Variants in GPC3 observed in about 807,000 individuals in gnomAD.
GPC3 encodes glypican-3.
A neutral mutation model predicts 34.4 loss-of-function variants in GPC3; 3 were observed. The observed-to-expected ratio is 0.09, with a 90% CI of 0.04 to 0.23. The LOEUF (loss-of-function observed/expected upper bound fraction) is 0.23. GPC3 is among the 10% of genes least tolerant of loss of function. GPC3 has a pLI of 1.00. For missense variants in GPC3, 351 were observed against 445.6 expected (o/e 0.79, Z 1.91); for synonymous variants, 177 against 174.0 (o/e 1.02, Z -0.13).
At chrX:133,684,882 CTT>C (rs370742490) in intron 5 of GPC3, among the ~76,000 whole-genome samples, 3 of 100,666 alleles carry the variant, frequency 3.0e-5, no homozygotes, top group African/African-American at 3.6e-5. Context: ...GCATATAGGT[CTT>C]TTTTTTTTTT....
intron 1 of GPC3, among the ~76,000 whole-genome samples, chrX:133,974,393 A>G (rs1170939316): frequency 8.9e-6 from 1 of 112,536 alleles, no homozygotes; most frequent in Non-Finnish European, 1.9e-5. Flanking sequence ...ATTACTATCA[A>G]GAATAATAGA....
chrX:133,649,161 G>A (rs1004093377), intron 6 of GPC3, among the ~76,000 whole-genome samples: 2 of 110,966 alleles, frequency 1.8e-5, no homozygotes, highest in Admixed American at 9.6e-5. Flanking sequence ...GTGTGTAGGT[G>A]GGGGGGATTC....
rs1046576082 is a variant in GPC3 at position 133,659,389 on chromosome X, C to T, written c.1413+2341G>A. ...CTTTCCCATTTTCTAGGGTGGGGTC[C>T]GCCCACAGGTCTTCACTCGATCTTT... On this transcript the variant is annotated intron_variant, in intron 6 of 7. Coordinates refer to ENST00000370818, the MANE Select transcript of GPC3 (RefSeq NM_004484.4). Among the ~76,000 whole-genome samples the T allele has an allele frequency of 9.0e-5, 10 of 111,649 alleles. No homozygotes were observed. The East Asian group carries it at 1.7e-3, about 19-fold the overall frequency.
At chrX:133,593,330 C>CAAAAAAAAAAAAAAAAAAAAAA (rs756083308) in intron 7 of GPC3, among the ~76,000 whole-genome samples, 1 of 9,892 alleles carries the variant, frequency 1.0e-4, no homozygotes, top group Non-Finnish European at 2.0e-4. Context: ...GAGACTGTCT[C>CAAAAAAAAAAAAAAAAAAAAAA]AAAAAAAAAA....
intron 6 of GPC3, among the ~76,000 whole-genome samples, chrX:133,617,570 A>G (rs2070180587): frequency 8.9e-6 from 1 of 112,261 alleles, no homozygotes; most frequent in Admixed American, 9.4e-5. Flanking sequence ...TAAATGCTCA[A>G]AAGAGTTTGA....
At chrX:133,909,435 A>G (rs757354136) in intron 2 of GPC3, among the ~76,000 whole-genome samples, 5 of 112,234 alleles carry the variant, frequency 4.5e-5, no homozygotes, top group Non-Finnish European at 9.4e-5. Flanking sequence ...GCTGTTTATC[A>G]TTTACCTGTC....
chrX:133,953,284 C>A (rs2076401455), intron 1 of GPC3, 73 bp from the exon 2 acceptor site: 23 of 810,167 alleles, frequency 2.8e-5, no homozygotes, highest in Non-Finnish European at 4.3e-5. Flanking sequence ...ACACCACCCC[C>A]ACCCCCTACA....
intron 6 of GPC3, among the ~76,000 whole-genome samples, chrX:133,643,831 G>GTTTTTTTTTTTTTTTTTTTT (rs778326133): frequency 6.2e-5 from 6 of 96,990 alleles, no homozygotes; most frequent in African/African-American, 2.4e-4. Context: ...TTGTTTTTAT[G>GTTTTTTTTTTTTTTTTTTTT]TTTTTTTTTT....
At chrX:133,953,249 ATC>A (rs775371060) in intron 1 of GPC3, 38 bp from the exon 2 acceptor site, 35 of 1,152,249 alleles carry the variant, frequency 3.0e-5, no homozygotes, top group Non-Finnish European at 3.7e-5. Context: ...AGTAAGCAGG[ATC>A]TCTCTCTCAC....
At chrX:133,557,330 A>T (rs1000146596) in intron 7 of GPC3, among the ~76,000 whole-genome samples, 103 of 111,398 alleles carry the variant, frequency 9.2e-4, no homozygotes, top group African/African-American at 2.4e-3. Context: ...AATAAATAAA[A>T]AATATTTATT....
In GPC3 at chrX:133,623,355, G is replaced by A. The variant is rs757337040; in HGVS notation, c.1414-26756C>T. On this transcript the variant is annotated intron_variant, in intron 6 of 7. Transcript: ENST00000370818. ...GAGCTAAATGCTCCAATTAAAAGAC[G>A]CAGACTGGCAAATTGGATAAAGAGT... Among the ~76,000 whole-genome samples the A allele has an allele frequency of 1.2e-4, 13 of 111,759 alleles. No individual in the cohort carries two copies. The South Asian group carries it at 1.9e-3, about 16-fold the overall frequency.
chrX:133,658,250 C>T (rs1409211388), intron 6 of GPC3, among the ~76,000 whole-genome samples: 2 of 111,979 alleles, frequency 1.8e-5, no homozygotes, highest in East Asian at 5.6e-4. Context: ...GGCTTTCTGC[C>T]TCAGTTTCTC....
chrX:133,734,471 A>G (rs2071490414), intron 3 of GPC3, among the ~76,000 whole-genome samples: 1 of 110,818 alleles, frequency 9.0e-6, no homozygotes, highest in South Asian at 3.9e-4. Context: ...TTCACCTAAA[A>G]TCAGGAAAAA....
At chrX:133,717,435 T>TG (rs2071325374) in intron 3 of GPC3, among the ~76,000 whole-genome samples, 2 of 111,459 alleles carry the variant, frequency 1.8e-5, no homozygotes, top group South Asian at 7.6e-4. Context: ...ACCCTGGTCC[T>TG]GGTAGTTAAA....
At chrX:133,677,694 C>T (rs970420751) in intron 5 of GPC3, among the ~76,000 whole-genome samples, 8 of 111,802 alleles carry the variant, frequency 7.2e-5, no homozygotes, top group African/African-American at 2.3e-4. Context: ...GCCTCAGAGG[C>T]AGGTGAGTGC....
intron 2 of GPC3, among the ~76,000 whole-genome samples, chrX:133,897,870 G>A (rs890113984): frequency 8.9e-6 from 1 of 111,745 alleles, no homozygotes; most frequent in Non-Finnish European, 1.9e-5. Context: ...TAACCGATGA[G>A]TATTCACAAG....
intron 2 of GPC3, among the ~76,000 whole-genome samples, chrX:133,774,653 T>TA (rs1393546871): frequency 9.0e-6 from 1 of 111,632 alleles, no homozygotes; most frequent in African/African-American, 3.3e-5. Flanking sequence ...TCAGGCACCA[T>TA]ACTGAATACA....
rs150806331 is a variant in GPC3, at chrX:133,872,711, A to G, written c.337+80339T>C. Among the ~76,000 whole-genome samples the G allele has an allele frequency of 4.5e-3, 507 of 111,842 alleles. 2 individuals carry two copies. Among genetic ancestry groups the G allele is most frequent in the African/African-American group, 0.016 (481 of 30,793 alleles). On this transcript the variant is annotated intron_variant, in intron 2 of 7. Coordinates refer to ENST00000370818, the MANE Select transcript of GPC3 (RefSeq NM_004484.4). The stretch of plus-strand genomic sequence containing the variant: ...CATTTGTCTACTGGCTTCAAAGTCT[A>G]CCTCTTTTTTTCCCTTTAGTTGTAT...
At chrX:133,939,401 T>C (rs1439246944) in intron 2 of GPC3, among the ~76,000 whole-genome samples, 2 of 111,949 alleles carry the variant, frequency 1.8e-5, no homozygotes, top group Non-Finnish European at 3.8e-5. Context: ...GTATAGTGTA[T>C]ATAAGCAAAA....
Sources: gnomAD v4.1 joint callset for allele counts (sites outside exome capture counted in the v4.1 genomes callset) on GRCh38, gnomAD v4.1.1 for gene constraint, MANE v1.5 for transcripts, NCBI Gene and HGNC (gene_info 2026-07-23, HGNC 2026-07-21) for gene names.